The following SPATS2 variants were observed in gnomAD, a reference collection of about 807,000 sequenced individuals.
SPATS2 encodes the protein spermatogenesis-associated serine-rich protein 2.
SPATS2 carries 38 observed loss-of-function variants against 63.7 expected under a neutral mutation model. The observed-to-expected ratio is 0.60, with a 90% CI of 0.46 to 0.78. The LOEUF (loss-of-function observed/expected upper bound fraction) is 0.78. Among genes scored for constraint, SPATS2 ranks in the 30% least tolerant of loss-of-function variants. The probability of loss-of-function intolerance (pLI) is 0.00; values close to 1 mark genes in which losing one functional copy is unlikely to be tolerated. For synonymous variants in SPATS2, 207 were observed against 232.9 expected, an observed-to-expected ratio of 0.89 and a Z score of 1.01; for missense variants, 588 against 666.2, an observed-to-expected ratio of 0.88 and a Z score of 1.29.
At chr12:49,486,721 C>T (rs1337886411) in intron 4 of SPATS2, among the ~76,000 whole-genome samples, 1 of 149,106 alleles carries the variant, frequency 6.7e-6, no homozygotes. Context: ...GCAGAGCTTG[C>T]AGTGAGCCGA....
In SPATS2 at chr12:49,484,361, A is replaced by T. The variant is rs77188000; in HGVS notation, c.26-229A>T. ...CAGGACAGTCTAATATGGTTGATGT[A>T]TTTAGTGTTTACCTCAAGCTGTGAC... is the stretch of plus-strand genomic sequence containing the variant. On this transcript the variant is annotated intron_variant, in intron 3 of 13. Coordinates refer to ENST00000552918, the MANE Select transcript of SPATS2 (RefSeq NM_023071.4). Among the ~76,000 whole-genome samples the T allele has an allele frequency of 3.3e-5, 5 of 152,320 alleles. No homozygotes were observed. The East Asian group carries it at 9.6e-4, about 29-fold the overall frequency.
At chr12:49,491,200 A>C (rs1160304457) in intron 6 of SPATS2, 1 of 153,992 alleles carries the variant, frequency 6.5e-6, no homozygotes, top group African/African-American at 2.4e-5. Flanking sequence ...ACAGAGTACC[A>C]CACAGTCCTC....
At chr12:49,394,353 A>C (rs1385555412) in intron 2 of SPATS2, among the ~76,000 whole-genome samples, 2 of 151,884 alleles carry the variant, frequency 1.3e-5, no homozygotes, top group Non-Finnish European at 2.9e-5. Context: ...AAAAAAAAAA[A>C]AAAACAGAAC....
At chr12:49,429,944 C>CTGGGGTCTTTTTAAAAAGGGTGCGCTAT (rs1945152847) in intron 2 of SPATS2, among the ~76,000 whole-genome samples, 2 of 143,352 alleles carry the variant, frequency 1.4e-5, no homozygotes, top group East Asian at 4.2e-4. Flanking sequence ...TCACGCCCAG[C>CTGGGGTCTTTTTAAAAAGGGTGCGCTAT]TAATTTTTGT....
At chr12:49,501,991 A>G (rs529359325) in intron 9 of SPATS2, among the ~76,000 whole-genome samples, 1 of 152,326 alleles carries the variant, frequency 6.6e-6, no homozygotes. Flanking sequence ...AAACTAGAAA[A>G]GACTTAAGGA....
chr12:49,508,606 T>C (rs976001600), intron 9 of SPATS2, among the ~76,000 whole-genome samples: 14 of 152,326 alleles, frequency 9.2e-5, no homozygotes, highest in Middle Eastern at 6.8e-3. Flanking sequence ...ATTTTAATTT[T>C]TATGTTTTTG....
At chr12:49,437,173 G>A (rs1945323976) in intron 2 of SPATS2, among the ~76,000 whole-genome samples, 1 of 150,580 alleles carries the variant, frequency 6.6e-6, no homozygotes, top group Non-Finnish European at 1.5e-5. Flanking sequence ...CCAGGCAGAG[G>A]GTCTCCTCAC....
chr12:49,425,694 A>T (rs1945062771), intron 2 of SPATS2, among the ~76,000 whole-genome samples: 1 of 151,798 alleles, frequency 6.6e-6, no homozygotes, highest in Non-Finnish European at 1.5e-5. Context: ...CAGTGGCACG[A>T]TCTCAGCTCA....
Position 49,367,530 on chromosome 12 carries a change from G to T in SPATS2, c.-364G>T. 2.5e-6 allele frequency: 1 copy of T among 398,528 alleles called. No homozygotes were observed. Among genetic ancestry groups the T allele is most frequent in the Non-Finnish European group, 4.4e-6 (1 of 226,274 alleles). 24.7% of individuals were successfully genotyped at this position (398,528 alleles called of 1,614,324 possible). A position where few individuals can be genotyped will look rare whatever the true frequency, so the allele number is the denominator to read the frequency against. ...CTTTCCTCTTCTCAGACCCGGGAGC[G>T]TCCGGGACGCGGAGCCCGGAGCTGG... On this transcript the variant is annotated 5_prime_UTR_variant, in exon 1 of 14. Coordinates refer to ENST00000552918, the MANE Select transcript of SPATS2 (RefSeq NM_023071.4).
chr12:49,488,114 G>A (rs1946325098), intron 4 of SPATS2, among the ~76,000 whole-genome samples: 1 of 150,892 alleles, frequency 6.6e-6, no homozygotes, highest in South Asian at 2.1e-4. Context: ...GCGCGATCTC[G>A]ACTCACTGCA....
intron 2 of SPATS2, among the ~76,000 whole-genome samples, chr12:49,421,261 T>TGTC (rs1200358313): frequency 7.3e-5 from 11 of 151,572 alleles, no homozygotes; most frequent in Non-Finnish European, 1.5e-4. Flanking sequence ...CTACTAAAAA[T>TGTC]ACAAAAATTA....
At position 49,460,768 on chromosome 12, in the gene SPATS2, A is replaced by G; in HGVS notation, c.-243-2A>G. On this transcript the variant is annotated splice_acceptor_variant, in intron 2 of 13. Coordinates refer to ENST00000552918, the MANE Select transcript of SPATS2 (RefSeq NM_023071.4). LOFTEE classifies it low-confidence loss of function (5UTR_SPLICE). ...TATGTGTGTTTGTGTTTTTCCCTCC[A>G]GAATCTCCCTGGAAAAGGAGACATG... 1.8e-6 allele frequency: 1 copy of G among 544,060 alleles called. No individual in the cohort carries two copies. The highest frequency in any genetic ancestry group is 3.4e-5 in the Admixed American group (1 of 29,240). The allele number at this position is 544,060 out of a possible 1,614,324, so 33.7% of individuals were successfully genotyped here. A position where few individuals can be genotyped will look rare whatever the true frequency, so the allele number is the denominator to read the frequency against.
At chr12:49,471,058 G>A (rs1381160336) in intron 3 of SPATS2, among the ~76,000 whole-genome samples, 1 of 152,164 alleles carries the variant, frequency 6.6e-6, no homozygotes, top group Non-Finnish European at 1.5e-5. Flanking sequence ...TAGCTAGTTA[G>A]GCTGTCCTAG....
intron 2 of SPATS2, chr12:49,389,683 C>T (rs1944385568): frequency 2.0e-6 from 3 of 1,509,506 alleles, no homozygotes; most frequent in Non-Finnish European, 2.8e-6. Context: ...TTAATGAAGT[C>T]GCAAGAACAT....
At chr12:49,456,634 G>A (rs964331616) in intron 2 of SPATS2, among the ~76,000 whole-genome samples, 11 of 152,314 alleles carry the variant, frequency 7.2e-5, no homozygotes, top group South Asian at 2.1e-4. Flanking sequence ...AGAGATTCTC[G>A]TGATTTAGAC....
chr12:49,452,180 C>T (rs907027018), intron 2 of SPATS2, among the ~76,000 whole-genome samples: 2 of 152,142 alleles, frequency 1.3e-5, no homozygotes, highest in Non-Finnish European at 2.9e-5. Flanking sequence ...TTTTGGTCAC[C>T]ATTTTTGTCC....
intron 2 of SPATS2, among the ~76,000 whole-genome samples, chr12:49,424,816 A>T (rs2137440237): frequency 6.6e-6 from 1 of 152,254 alleles, no homozygotes; most frequent in Admixed American, 6.5e-5. Flanking sequence ...AGTAGCTGGG[A>T]TTACAGGCAC....
At chr12:49,503,315 A>C (rs1378263583) in intron 9 of SPATS2, among the ~76,000 whole-genome samples, 1 of 150,870 alleles carries the variant, frequency 6.6e-6, no homozygotes, top group African/African-American at 2.4e-5. Context: ...GCGCCATTGC[A>C]CTCCAGCCTG....
intron 2 of SPATS2, among the ~76,000 whole-genome samples, chr12:49,405,110 G>T (rs76565411): frequency 0.017 from 2,563 of 152,130 alleles, 62 homozygotes; most frequent in African/African-American, 0.058. Context: ...CAGAAAAAGT[G>T]TGGCACCTGG....
Sources: allele counts gnomAD v4.1 joint callset (sites outside exome capture counted in the v4.1 genomes callset), GRCh38; gene constraint gnomAD v4.1.1; transcripts MANE v1.5; gene names NCBI Gene and HGNC (gene_info 2026-07-23, HGNC 2026-07-21).